Variants in DNAJC17 observed in about 807,000 individuals in gnomAD.
DNAJC17 encodes dnaJ homolog subfamily C member 17.
In DNAJC17, 35 loss-of-function variants were observed where a neutral mutation model predicts 48.1. The observed-to-expected ratio is 0.73, with a 90% CI of 0.56 to 0.96. The LOEUF (loss-of-function observed/expected upper bound fraction) is 0.96. Among genes scored for constraint, DNAJC17 ranks in the 50% least tolerant of loss-of-function variants. The pLI is 0.00. For missense variants in DNAJC17, 355 were observed against 377.1 expected (o/e 0.94, Z 0.48); for synonymous variants, 117 against 142.7 (o/e 0.82, Z 1.28).
chr15:40,781,854 A>G (rs1028356730), intron 1 of DNAJC17, among the ~76,000 whole-genome samples: 52 of 150,818 alleles, frequency 3.4e-4, no homozygotes, highest in African/African-American at 1.2e-3. Context: ...CCTGGGAGGC[A>G]GAGGTTGCAG....
At position 40,767,144 on chromosome 15, in the gene DNAJC17, G is replaced by A. The variant is rs957371665; in HGVS notation, c.*796C>T. ...GTGTGAGTCACTACAAGAGTGGCCA[G>A]GCTGCCTGCTGCAGACACTAGCTTT... On this transcript the variant is annotated 3_prime_UTR_variant, in exon 11 of 11. Coordinates refer to ENST00000220496, the MANE Select transcript of DNAJC17 (RefSeq NM_018163.3). 7.2e-7 allele frequency: 1 copy of A among 1,384,124 alleles called. No homozygotes were observed. Among genetic ancestry groups the A allele is most frequent in the African/African-American group, 1.5e-5 (1 of 66,530 alleles). 85.7% of individuals were successfully genotyped at this position (1,384,124 alleles called of 1,614,324 possible). A position where few individuals can be genotyped will look rare whatever the true frequency, so the allele number is the denominator to read the frequency against.
intron 1 of DNAJC17, among the ~76,000 whole-genome samples, chr15:40,793,049 C>T (rs958992787): frequency 5.3e-5 from 8 of 151,946 alleles, no homozygotes; most frequent in Admixed American, 3.9e-4. Context: ...CCCGCCACCA[C>T]GCCTGGCTAA....
intron 1 of DNAJC17, among the ~76,000 whole-genome samples, chr15:40,801,227 G>A (rs965077754): frequency 1.3e-5 from 2 of 152,194 alleles, no homozygotes; most frequent in Admixed American, 6.5e-5. Context: ...AGAAGTAGGA[G>A]TGCAGAGGGG....
At chr15:40,768,202 A>G (rs1244339447) in intron 10 of DNAJC17, 140 bp from the exon 11 acceptor site, 3 of 1,209,576 alleles carry the variant, frequency 2.5e-6, no homozygotes, top group Non-Finnish European at 2.2e-6. Flanking sequence ...AACCCGGAGC[A>G]TCCTTTTGGA....
intron 10 of DNAJC17, chr15:40,771,634 C>T (rs1293677228): frequency 5.9e-6 from 1 of 170,790 alleles, no homozygotes; most frequent in Non-Finnish European, 1.4e-5. Flanking sequence ...ATTAACAGTT[C>T]AGTTCCTCAG....
At chr15:40,788,343 G>A (rs987496805) in intron 1 of DNAJC17, among the ~76,000 whole-genome samples, 15 of 151,976 alleles carry the variant, frequency 9.9e-5, no homozygotes, top group African/African-American at 3.4e-4. Flanking sequence ...CAAGAGGATC[G>A]CCTGAAGCCA....
In DNAJC17 at chr15:40,770,532, T is replaced by G. The variant is rs1889099690; in HGVS notation, c.793-2470A>C. 4.5e-6 allele frequency: 7 copies of G among 1,550,454 alleles called. No homozygotes were observed. Among genetic ancestry groups the G allele is most frequent in the Admixed American group, 2.0e-5 (1 of 50,982 alleles). On this transcript the variant is annotated intron_variant, in intron 10 of 10. Transcript: ENST00000220496. This position sits in a 1 kb window ranked among gnomAD's most constrained non-coding sequence, Gnocchi z 5.0. The stretch of plus-strand genomic sequence containing the variant: ...GCGGAAAGGCTCCTTCCGCAACGCC[T>G]CCTTCTTCAAGCAGCTGAGCCTGGG...
chr15:40,791,560 G>A (rs1889806981), intron 1 of DNAJC17, among the ~76,000 whole-genome samples: 3 of 150,540 alleles, frequency 2.0e-5, no homozygotes, highest in African/African-American at 7.3e-5. Context: ...AAAAACAACA[G>A]GCAGCTGGTC....
intron 6 of DNAJC17, among the ~76,000 whole-genome samples, 187 bp from the exon 7 acceptor site, chr15:40,775,783 G>C (rs1308959744): frequency 6.6e-6 from 1 of 152,128 alleles, no homozygotes; most frequent in African/African-American, 2.4e-5. Context: ...TGCCACCCCA[G>C]GGGTGGTCTA....
intron 1 of DNAJC17, among the ~76,000 whole-genome samples, chr15:40,782,574 C>A (rs1847897198): frequency 6.6e-6 from 1 of 152,070 alleles, no homozygotes; most frequent in African/African-American, 2.4e-5. Flanking sequence ...AAGGCCTTTG[C>A]TTTCTCCCTT....
At chr15:40,776,521 C>A (rs1889328049) in intron 5 of DNAJC17, 21 bp downstream of exon 5, 1 of 1,613,640 alleles carries the variant, frequency 6.2e-7, no homozygotes, top group Non-Finnish European at 8.5e-7. Context: ...GGCCTTCTGG[C>A]CAGTGTGCCT....
intron 1 of DNAJC17, among the ~76,000 whole-genome samples, chr15:40,783,457 CCTGCAACA>C (rs556872933): frequency 7.7e-4 from 117 of 152,316 alleles, no homozygotes; most frequent in African/African-American, 2.7e-3. Flanking sequence ...TATGGCATCA[CCTGCAACA>C]CTACCTTCAA....
At chr15:40,797,398 G>C (rs1041358113) in intron 1 of DNAJC17, among the ~76,000 whole-genome samples, 13 of 151,796 alleles carry the variant, frequency 8.6e-5, no homozygotes, top group Non-Finnish European at 1.9e-4. Flanking sequence ...ATAAAGTAGG[G>C]ACTCAAACAG....
rs1566832808 is a variant in DNAJC17 at position 40,804,884 on chromosome 15, C to CAG, written c.78+2484_78+2485insCT. Among the ~76,000 whole-genome samples the CAG allele has an allele frequency of 2.0e-5, 3 of 152,176 alleles. No individual in the cohort carries two copies. The East Asian group carries it at 5.8e-4, about 30-fold the overall frequency. ...GGGTGTGGTGGCACATGCCTGTAAT[C>CAG]CCAGCTGCTCAGGAGGCTGAGGCAG... On this transcript the variant is annotated intron_variant, in intron 1 of 10. Transcript: ENST00000220496.
chr15:40,770,996 G>A lies in DNAJC17; in HGVS notation c.792+2731C>T. 3 of 1,551,082 alleles carry A rather than the reference G, an allele frequency of 1.9e-6. No individual in the cohort carries two copies. Among genetic ancestry groups the A allele is most frequent in the African/African-American group, 2.7e-5 (2 of 73,174 alleles). On this transcript the variant is annotated intron_variant, in intron 10 of 10. Coordinates refer to ENST00000220496, the MANE Select transcript of DNAJC17 (RefSeq NM_018163.3). The surrounding 1 kb of genome is among the most constrained non-coding windows in gnomAD (Gnocchi z 5.0). ...AGGAAGTTCTGCAGATGCTAAGGGA[G>A]CAGTTTCCTAGCGAGCCCAGCTTCT...
intron 8 of DNAJC17, 35 bp from the exon 9 acceptor site, chr15:40,774,471 T>G: frequency 2.5e-6 from 4 of 1,612,430 alleles, no homozygotes; most frequent in Non-Finnish European, 3.4e-6. Context: ...AAGCATGACT[T>G]GGCCTTCAGG....
At chr15:40,785,095 T>TAACAAC (rs779030942) in intron 1 of DNAJC17, among the ~76,000 whole-genome samples, 1 of 151,758 alleles carries the variant, frequency 6.6e-6, no homozygotes, top group Non-Finnish European at 1.5e-5. Flanking sequence ...TGAAAGTCCA[T>TAACAAC]AACAACAACA....
In DNAJC17 at chr15:40,788,119, A is replaced by G. The variant is rs80027205; in HGVS notation, c.79-8122T>C. Among the ~76,000 whole-genome samples, 1,121 of 152,308 alleles carry G rather than the reference A, an allele frequency of 7.4e-3. 17 individuals carry two copies. The highest frequency in any genetic ancestry group is 0.025 in the African/African-American group (1,058 of 41,560). ...CAGGCCCAGTTCCAGTCACAGGCAC[A>G]GTGAGTGATAACAGCTGGGGCAGCC... is the stretch of plus-strand genomic sequence containing the variant. On this transcript the variant is annotated intron_variant, in intron 1 of 10. Coordinates refer to ENST00000220496, the MANE Select transcript of DNAJC17 (RefSeq NM_018163.3).
chr15:40,789,581 C>T (rs1418403985), intron 1 of DNAJC17, among the ~76,000 whole-genome samples: 3 of 152,000 alleles, frequency 2.0e-5, no homozygotes, highest in South Asian at 2.1e-4. Context: ...CTGCCAGAAA[C>T]GTCTCCCCAC....
Sources: gnomAD v4.1 joint callset for allele counts (sites outside exome capture counted in the v4.1 genomes callset) on GRCh38, gnomAD v4.1.1 for gene constraint, Gnocchi (gnomAD v3.1) non-coding constraint, MANE v1.5 for transcripts, NCBI Gene and HGNC (gene_info 2026-07-23, HGNC 2026-07-21) for gene names.